The following SEPTIN11 variants were observed in gnomAD, a reference collection of about 807,000 sequenced individuals.
SEPTIN11 encodes the protein septin-11.
Under a neutral mutation model 51.4 loss-of-function variants are expected in SEPTIN11, and 25 were observed. The observed-to-expected ratio is 0.49, with a 90% CI of 0.35 to 0.68. SEPTIN11 has a LOEUF of 0.68. Among genes scored for constraint, SEPTIN11 ranks in the 30% least tolerant of loss-of-function variants. The pLI is 0.00. For synonymous variants in SEPTIN11, 174 were observed against 184.1 expected, an observed-to-expected ratio of 0.95 and a Z score of 0.44; for missense variants, 381 against 520.8, an observed-to-expected ratio of 0.73 and a Z score of 2.61.
At position 76,984,320 on chromosome 4, in the gene SEPTIN11, A is replaced by AT. The variant is rs879530913; in HGVS notation, c.28-12093dup. ...CATGACTTGCTTGGAACTGGATTGG[A>AT]TTTTTTTTTTTTCTTCTCTCACAGA... On this transcript the variant is annotated intron_variant, in intron 1 of 9. Coordinates refer to ENST00000264893, the MANE Select transcript of SEPTIN11 (RefSeq NM_018243.4). This position sits in a 1 kb window ranked among gnomAD's most constrained non-coding sequence, Gnocchi z 4.1. 5.1e-3 allele frequency among the ~76,000 whole-genome samples: 750 copies of AT among 145,984 alleles called. 7 individuals carry two copies. Among genetic ancestry groups the AT allele is most frequent in the African/African-American group, 0.017 (682 of 39,996 alleles).
intron 5 of SEPTIN11, among the ~76,000 whole-genome samples, chr4:77,016,936 A>G (rs181752116): frequency 1.6e-3 from 241 of 152,078 alleles, no homozygotes; most frequent in Non-Finnish European, 2.9e-3. Context: ...ATACTATACC[A>G]TTTTATATCA....
chr4:76,998,235 T>C (rs1484439839), intron 2 of SEPTIN11, among the ~76,000 whole-genome samples: 2 of 152,192 alleles, frequency 1.3e-5, no homozygotes, highest in Non-Finnish European at 2.9e-5. Context: ...GAACATAATA[T>C]ATATTTGTTG....
chr4:76,995,968 A>C (rs1311127147), intron 1 of SEPTIN11: 2 of 1,530,562 alleles, frequency 1.3e-6, no homozygotes, highest in Admixed American at 3.9e-5. Flanking sequence ...CATTGTAAGG[A>C]GTATGAATCC....
At chr4:77,007,806 G>C (rs1724593958) in intron 3 of SEPTIN11, among the ~76,000 whole-genome samples, 1 of 152,158 alleles carries the variant, frequency 6.6e-6, no homozygotes, top group Non-Finnish European at 1.5e-5. Flanking sequence ...TGACACTGTT[G>C]ACTGTAAAGC....
chr4:77,009,252 G>C (rs1432799077), intron 3 of SEPTIN11, among the ~76,000 whole-genome samples: 1 of 152,238 alleles, frequency 6.6e-6, no homozygotes, highest in Non-Finnish European at 1.5e-5. Context: ...AGTGGTGTGG[G>C]TGGTGGCCCA....
chr4:77,031,378 A>C (rs1160079016), intron 9 of SEPTIN11: 1 of 154,106 alleles, frequency 6.5e-6, no homozygotes, highest in Non-Finnish European at 1.4e-5. Context: ...TTCGTAAGCC[A>C]GTCACTGAAA....
At chr4:76,968,556 G>A (rs969149907) in intron 1 of SEPTIN11, among the ~76,000 whole-genome samples, 1 of 152,084 alleles carries the variant, frequency 6.6e-6, no homozygotes, top group Non-Finnish European at 1.5e-5. Context: ...TTTCTAAAAG[G>A]TTGATTTAGG....
At position 76,949,795 on chromosome 4, in the gene SEPTIN11, C is replaced by T; in HGVS notation, c.-109C>T. On this transcript the variant is annotated 5_prime_UTR_variant, in exon 1 of 10. Transcript: ENST00000264893. ...GCCAGCGGGACGCCGGCGAGCAGAG[C>T]GCAGCCGCGAGGGAGGCGCGAGGGA... The T allele has an allele frequency of 1.6e-6, 2 of 1,237,000 alleles. No homozygotes were observed. Among genetic ancestry groups the T allele is most frequent in the Non-Finnish European group, 1.1e-6 (1 of 898,522 alleles). The allele number at this position is 1,237,000 out of a possible 1,614,324, so 76.6% of individuals were successfully genotyped here.
In SEPTIN11 at chr4:77,036,762, T is replaced by A. The variant is rs1727057881; in HGVS notation, c.*2250T>A. 6.5e-7 allele frequency: 1 copy of A among 1,535,962 alleles called. No individual in the cohort carries two copies. Among genetic ancestry groups the A allele is most frequent in the Middle Eastern group, 1.7e-4 (1 of 5,988 alleles). ...TTTTCTTTCTGTATCTATGCCTTTTTTTCACAGTAGTCCTTGGCTCTGCAC... is the reference window on the plus strand; with the variant it reads ...TTTTCTTTCTGTATCTATGCCTTTTATTCACAGTAGTCCTTGGCTCTGCAC... On this transcript the variant is annotated 3_prime_UTR_variant, in exon 10 of 10. Transcript: ENST00000264893.
chr4:76,994,303 G>A (rs987471849), intron 1 of SEPTIN11, among the ~76,000 whole-genome samples: 1 of 152,182 alleles, frequency 6.6e-6, no homozygotes, highest in Admixed American at 6.5e-5. Flanking sequence ...CCAAGTCTTG[G>A]CGGATGTGGT....
downstream of SEPTIN11, chr4:77,039,370 C>A (rs1727241131): frequency 1.8e-6 from 2 of 1,088,560 alleles, no homozygotes; most frequent in Non-Finnish European, 2.2e-6. Flanking sequence ...GGCCAAGACC[C>A]AAGGTCTTGT....
At chr4:76,968,232 AAATT>A (rs1346578448) in intron 1 of SEPTIN11, among the ~76,000 whole-genome samples, 4 of 152,226 alleles carry the variant, frequency 2.6e-5, no homozygotes, top group African/African-American at 9.6e-5. Context: ...AAATTTCAAC[AAATT>A]ATTAGTGCTA....
rs1723666769 is a variant in SEPTIN11 at position 76,995,711 on chromosome 4, A to G, written c.28-714A>G. On this transcript the variant is annotated intron_variant, in intron 1 of 9. Coordinates refer to ENST00000264893, the MANE Select transcript of SEPTIN11 (RefSeq NM_018243.4). ...TTTTATATAACAGCATAAATCACCC[A>G]GTGATTTTACTTTAGCTTCCAGCCA... The G allele has an allele frequency of 7.6e-6, 10 of 1,316,098 alleles. No homozygotes were observed. The South Asian group carries it at 1.5e-4, about 20-fold the overall frequency. The allele number at this position is 1,316,098 out of a possible 1,614,324, so 81.5% of individuals were successfully genotyped here.
Position 77,005,617 on chromosome 4 carries a change from C to T in SEPTIN11, c.159C>T (p.Gly53=). ...NILCVGETGI[G]KSTLMDTLFN... ...GTTATGTAGGTGAGACAGGCATTGG[C>T]AAATCCACGTTAATGGACACTTTGT... The change falls in exon 3 of 10, where the codon GGC becomes GGT. Residue 53 remains glycine (G), a synonymous_variant. Transcript: ENST00000264893. 6.2e-7 allele frequency: 1 copy of T among 1,613,292 alleles called. No homozygotes were observed. Among genetic ancestry groups the T allele is most frequent in the Non-Finnish European group, 8.5e-7 (1 of 1,179,608 alleles).
chr4:76,995,650 G>A (rs947940779), intron 1 of SEPTIN11: 8 of 653,506 alleles, frequency 1.2e-5, no homozygotes, highest in Middle Eastern at 4.3e-4. Flanking sequence ...CAACACCCAC[G>A]GGATGCATTC....
chr4:76,976,542 A>G (rs533579551), intron 1 of SEPTIN11, among the ~76,000 whole-genome samples: 2 of 152,158 alleles, frequency 1.3e-5, no homozygotes, highest in Non-Finnish European at 2.9e-5. Flanking sequence ...CCTTTCCACT[A>G]GATAATAGGC....
At chr4:76,957,555 G>A (rs576291882) in intron 1 of SEPTIN11, among the ~76,000 whole-genome samples, 15 of 152,254 alleles carry the variant, frequency 9.9e-5, no homozygotes, top group Admixed American at 9.2e-4. Context: ...CTGCTGCCTG[G>A]AACATTCATC....
At chr4:77,018,328 A>G (rs1368278666) in intron 5 of SEPTIN11, among the ~76,000 whole-genome samples, 2 of 152,094 alleles carry the variant, frequency 1.3e-5, no homozygotes, top group Admixed American at 6.6e-5. Context: ...CGGTGCCTGT[A>G]GTCCCAGCTA....
In SEPTIN11 at chr4:77,024,349, G is replaced by A. The variant is rs957579636; in HGVS notation, c.953+3679G>A. Among the ~76,000 whole-genome samples, 2 of 152,006 alleles carry A rather than the reference G, an allele frequency of 1.3e-5. No homozygotes were observed. Among genetic ancestry groups the A allele is most frequent in the Non-Finnish European group, 2.9e-5 (2 of 68,002 alleles). The stretch of plus-strand genomic sequence containing the variant: ...CCATCTTTATCCGCCCCCTGTGCAT[G>A]CCCGGCTGCTGCCCTGAAGCCTTGA... On this transcript the variant is annotated intron_variant, in intron 7 of 9. Transcript: ENST00000264893. This position sits in a 1 kb window ranked among gnomAD's most constrained non-coding sequence, Gnocchi z 4.2.
Sources: allele counts gnomAD v4.1 joint callset (sites outside exome capture counted in the v4.1 genomes callset), GRCh38; gene constraint gnomAD v4.1.1; non-coding constraint Gnocchi (gnomAD v3.1); transcripts MANE v1.5; gene names NCBI Gene and HGNC (gene_info 2026-07-23, HGNC 2026-07-21).